Variants in EIF4E observed in about 807,000 individuals in gnomAD.
The protein encoded by EIF4E is eIF-4F 25 kDa subunit.
For missense variants in EIF4E, 113 were observed against 265.6 expected, an observed-to-expected ratio of 0.43 and a Z score of 3.99; for synonymous variants, 71 against 88.5, an observed-to-expected ratio of 0.80 and a Z score of 1.11.
chr4:98,905,068 A>G (rs1393486837), intron 1 of EIF4E, among the ~76,000 whole-genome samples: 1 of 152,034 alleles, frequency 6.6e-6, no homozygotes, highest in Non-Finnish European at 1.5e-5. Context: ...CTTCCTATAG[A>G]CACTAAATAG....
At chr4:98,926,430 T>A (rs1725870266) in intron 1 of EIF4E, 1 of 152,060 alleles carries the variant, frequency 6.6e-6, no homozygotes, top group Non-Finnish European at 1.5e-5. Flanking sequence ...TAATCCCAGC[T>A]ACTCGGAAGG....
At chr4:98,899,640 GCCATTAATGTAAA>G in intron 2 of EIF4E, among the ~76,000 whole-genome samples, 1 of 152,214 alleles carries the variant, frequency 6.6e-6, no homozygotes, top group Admixed American at 6.5e-5. Flanking sequence ...AATCTATACA[GCCATTAATGTAAA>G]CCTAATAAAA....
intron 1 of EIF4E, chr4:98,909,736 G>A (rs1240389602): frequency 1.4e-6 from 1 of 706,372 alleles, no homozygotes. Flanking sequence ...ACCATCTTCA[G>A]CTCTCATTTT....
intron 1 of EIF4E, among the ~76,000 whole-genome samples, chr4:98,919,902 A>G (rs1033375900): frequency 1.3e-5 from 2 of 152,188 alleles, no homozygotes; most frequent in African/African-American, 4.8e-5. Context: ...TTAGGTAGCC[A>G]TTACCTACAT....
rs551401784 is a variant in EIF4E at position 98,897,377 on chromosome 4, C to T, written c.125+4499G>A. Among the ~76,000 whole-genome samples, 11 of 152,116 alleles carry T rather than the reference C, an allele frequency of 7.2e-5. No individual in the cohort carries two copies. In the South Asian group the frequency reaches 1.0e-3, roughly 14 times the overall value. On this transcript the variant is annotated intron_variant, in intron 2 of 6. Transcript: ENST00000450253. ...CCTGAGGTCAGGAGTTCAAGACCAG[C>T]TTGGCCATCATGGTGAAACCCTGTC...
At chr4:98,884,518 A>G (rs1352308487) in intron 6 of EIF4E, among the ~76,000 whole-genome samples, 2 of 152,188 alleles carry the variant, frequency 1.3e-5, no homozygotes, top group Non-Finnish European at 2.9e-5. Flanking sequence ...AGCCTGGCCA[A>G]CGTGGCAAAA....
chr4:98,886,610 G>A, intron 5 of EIF4E: 2 of 366,154 alleles, frequency 5.5e-6, no homozygotes, highest in Non-Finnish European at 1.1e-5. Flanking sequence ...AGCTACTTAA[G>A]AGGCTGAAGT....
Position 98,887,003 on chromosome 4 carries a change from T to C in EIF4E, c.399+76A>G. 4.2e-6 allele frequency: 6 copies of C among 1,438,362 alleles called. No homozygotes were observed. In the South Asian group the frequency reaches 5.7e-5, roughly 14 times the overall value. 89.1% of individuals were successfully genotyped at this position (1,438,362 alleles called of 1,614,324 possible). On this transcript the variant is annotated intron_variant, in intron 5 of 6. Coordinates refer to ENST00000450253, the MANE Select transcript of EIF4E (RefSeq NM_001968.5). The surrounding 1 kb of genome is among the most constrained non-coding windows in gnomAD (Gnocchi z 4.0). ...TCCTTCTCTTAAATTAAGTAACAAATGTAAAACATAACATATCTTAAGTAT... is the reference window on the plus strand; with the variant it reads ...TCCTTCTCTTAAATTAAGTAACAAACGTAAAACATAACATATCTTAAGTAT...
chr4:98,905,422 G>A (rs1369882962), intron 1 of EIF4E, among the ~76,000 whole-genome samples: 1 of 152,176 alleles, frequency 6.6e-6, no homozygotes. Context: ...GGTAGAATAG[G>A]GAGTAAGAGC....
chr4:98,890,300 A>G (rs1724094144), intron 3 of EIF4E, among the ~76,000 whole-genome samples: 2 of 152,214 alleles, frequency 1.3e-5, no homozygotes, highest in African/African-American at 4.8e-5. Context: ...TTCAGCATGT[A>G]TATGATCCTA....
At chr4:98,892,335 AC>A (rs1341785298) in intron 2 of EIF4E, among the ~76,000 whole-genome samples, 4 of 88,588 alleles carry the variant, frequency 4.5e-5, no homozygotes, top group Non-Finnish European at 7.1e-5. Flanking sequence ...AAACAAAAAA[AC>A]AAACAAAAAA....
intron 1 of EIF4E, among the ~76,000 whole-genome samples, chr4:98,917,729 C>G (rs566672069): frequency 2.4e-4 from 37 of 152,252 alleles, no homozygotes; most frequent in African/African-American, 8.9e-4. Context: ...ATTAAAAAAG[C>G]TGAAATGCTG....
chr4:98,920,498 T>C (rs927493076), intron 1 of EIF4E, among the ~76,000 whole-genome samples: 1 of 152,056 alleles, frequency 6.6e-6, no homozygotes, highest in African/African-American at 2.4e-5. Flanking sequence ...TTTCACCATT[T>C]TGGCCAGGCT....
chr4:98,885,022 C>T lies in EIF4E; in HGVS notation c.439G>A (p.Asp147Asn), dbSNP rs1193712071. The T allele has an allele frequency of 6.2e-7, 1 of 1,613,536 alleles. No homozygotes were observed. Among genetic ancestry groups the T allele is most frequent in the Non-Finnish European group, 8.5e-7 (1 of 1,179,702 alleles). Residue 147 changes from aspartate to asparagine, a missense_variant, in exon 6 of 7, where the codon GAT (aspartate) becomes AAT (asparagine). Asp to Asn is a conservative substitution (Grantham distance 23). Transcript: ENST00000450253. ...TTAACAACAGCGCCACATACATCAT[C>T]ACTGTAGTCATCAAAAGATTCTCCA... ...LIGESFDDYS[D>N]DVCGAVVNVR...
chr4:98,885,485 TCA>T (rs1398388720), intron 5 of EIF4E, among the ~76,000 whole-genome samples: 1 of 152,170 alleles, frequency 6.6e-6, no homozygotes, highest in Non-Finnish European at 1.5e-5. Context: ...TCTTGCTCTG[TCA>T]CCCTGGCTGG....
chr4:98,921,923 ATTAGTTACT>A (rs1725657650), intron 1 of EIF4E, among the ~76,000 whole-genome samples: 1 of 152,224 alleles, frequency 6.6e-6, no homozygotes, highest in Non-Finnish European at 1.5e-5. Context: ...AAAGTTCTCA[ATTAGTTACT>A]AAAACACGAT....
chr4:98,921,396 G>T (rs1023011404), intron 1 of EIF4E, among the ~76,000 whole-genome samples: 2 of 151,244 alleles, frequency 1.3e-5, no homozygotes, highest in African/African-American at 4.9e-5. Flanking sequence ...TCTGTGCTCT[G>T]CTCATTACAA....
chr4:98,881,237 T>C (rs1723680535), intron 6 of EIF4E, 95 bp from the exon 7 acceptor site: 1 of 1,502,250 alleles, frequency 6.7e-7, no homozygotes, highest in Non-Finnish European at 8.9e-7. Flanking sequence ...GTCTTTATAT[T>C]AAAAAACATA....
chr4:98,907,310 C>T (rs1724914845), intron 1 of EIF4E, among the ~76,000 whole-genome samples: 1 of 152,074 alleles, frequency 6.6e-6, no homozygotes, highest in African/African-American at 2.4e-5. Flanking sequence ...CCCAGATACC[C>T]TATTTCCCCT....
Sources: allele counts gnomAD v4.1 joint callset (sites outside exome capture counted in the v4.1 genomes callset), GRCh38; gene constraint gnomAD v4.1.1; non-coding constraint Gnocchi (gnomAD v3.1); transcripts MANE v1.5; gene names NCBI Gene and HGNC (gene_info 2026-07-23, HGNC 2026-07-21).